BNC2: variants seen among roughly 807,000 people sequenced by gnomAD.
BNC2 encodes zinc finger protein basonuclin-2.
BNC2 carries 20 observed loss-of-function variants against 76.3 expected under a neutral mutation model. That is an observed-to-expected ratio of 0.26 (90% CI 0.18 to 0.38). The LOEUF (loss-of-function observed/expected upper bound fraction) is 0.38, where lower values mean the gene tolerates loss of function less well. Among genes scored for constraint, BNC2 ranks in the 10% least tolerant of loss-of-function variants. The pLI, the probability that BNC2 is intolerant of heterozygous loss-of-function variation, is 1.00. For missense variants in BNC2, 1,382 were observed against 1,399.8 expected (o/e 0.99, Z 0.20); for synonymous variants, 582 against 514.8 (o/e 1.13, Z -1.77).
At chr9:16,853,849 T>A (rs536196079) in intron 1 of BNC2, among the ~76,000 whole-genome samples, 1 of 152,130 alleles carries the variant, frequency 6.6e-6, no homozygotes, top group Non-Finnish European at 1.5e-5. Flanking sequence ...GCCTGAGCAA[T>A]AGAGGGAGAC....
chr9:16,689,165 A>C (rs1208490097), intron 3 of BNC2, among the ~76,000 whole-genome samples: 3 of 124,428 alleles, frequency 2.4e-5, no homozygotes, highest in African/African-American at 4.4e-5. Context: ...TGAGATCACA[A>C]AAAAAAAAAA....
At position 16,772,863 on chromosome 9, in the gene BNC2, G is replaced by A. The variant is rs141865090; in HGVS notation, c.4-34378C>T. Among the ~76,000 whole-genome samples the A allele has an allele frequency of 1.5e-4, 23 of 152,212 alleles. No homozygotes were observed. The East Asian group carries it at 4.2e-3, about 28-fold the overall frequency. The stretch of plus-strand genomic sequence containing the variant: ...TCTATGAAGACTGATTCTTTTTCTG[G>A]AGAAACATACAACAACACAAGGGAA... On this transcript the variant is annotated intron_variant, in intron 1 of 6. Coordinates refer to ENST00000380672, the MANE Select transcript of BNC2 (RefSeq NM_017637.6).
rs189397299 is a variant in BNC2, at chr9:16,766,801, T to C, written c.4-28316A>G. ...GAATTAAATGGTTTGGGAAGGTTACTTTGCTTTTCCTGAAGAGTCTAGTGT... is the reference window on the plus strand; with the variant it reads ...GAATTAAATGGTTTGGGAAGGTTACCTTGCTTTTCCTGAAGAGTCTAGTGT... On this transcript the variant is annotated intron_variant, in intron 1 of 6. Transcript: ENST00000380672. Among the ~76,000 whole-genome samples, 987 of 152,350 alleles carry C rather than the reference T, an allele frequency of 6.5e-3. 50 individuals are homozygous for C. The highest frequency in any genetic ancestry group is 0.06 in the Admixed American group (910 of 15,288).
intron 1 of BNC2, among the ~76,000 whole-genome samples, chr9:16,801,690 A>G (rs910045134): frequency 6.6e-6 from 1 of 151,248 alleles, no homozygotes; most frequent in African/African-American, 2.4e-5. Context: ...AGCCATGCCA[A>G]AAGAAGCTGA....
At chr9:16,509,824 A>G (rs1436067991) in intron 5 of BNC2, among the ~76,000 whole-genome samples, 1 of 152,210 alleles carries the variant, frequency 6.6e-6, no homozygotes, top group African/African-American at 2.4e-5. Context: ...AAATATGTAG[A>G]GGTTGTTTGT....
intron 5 of BNC2, among the ~76,000 whole-genome samples, chr9:16,541,212 A>G (rs1818310638): frequency 6.6e-6 from 1 of 152,208 alleles, no homozygotes; most frequent in African/African-American, 2.4e-5. Flanking sequence ...ACGGAAAGTC[A>G]CCAGAGAATC....
intron 3 of BNC2, among the ~76,000 whole-genome samples, chr9:16,643,305 C>CAAAAAAAAAAA (rs34196473): frequency 4.1e-5 from 5 of 121,582 alleles, no homozygotes; most frequent in African/African-American, 1.5e-4. Flanking sequence ...GACTCTGTCT[C>CAAAAAAAAAAA]AAAAAAAAAA....
At chr9:16,635,635 G>A (rs1404218356) in intron 3 of BNC2, among the ~76,000 whole-genome samples, 3 of 152,168 alleles carry the variant, frequency 2.0e-5, no homozygotes, top group Non-Finnish European at 4.4e-5. Context: ...GATATAATTA[G>A]AAGTCATATT....
rs572059037 is a variant in BNC2, at chr9:16,597,807, T to C, written c.331-14722A>G. On this transcript the variant is annotated intron_variant, in intron 3 of 6. Coordinates refer to ENST00000380672, the MANE Select transcript of BNC2 (RefSeq NM_017637.6). ...ACAAAGCTAGTTGTGATTTAAAATATAAATTTATCTATTTTAAATATAATT... is the reference window on the plus strand; with the variant it reads ...ACAAAGCTAGTTGTGATTTAAAATACAAATTTATCTATTTTAAATATAATT... Among the ~76,000 whole-genome samples the C allele has an allele frequency of 1.2e-3, 185 of 152,166 alleles. 5 individuals carry two copies. The Middle Eastern group carries it at 0.027, about 22-fold the overall frequency.
At chr9:16,814,676 C>T (rs1042037858) in intron 1 of BNC2, among the ~76,000 whole-genome samples, 1 of 152,138 alleles carries the variant, frequency 6.6e-6, no homozygotes, top group Non-Finnish European at 1.5e-5. Flanking sequence ...CAGCTAGATA[C>T]TGTTCAAACA....
chr9:16,684,471 T>C (rs985907132), intron 3 of BNC2, among the ~76,000 whole-genome samples: 2 of 152,160 alleles, frequency 1.3e-5, no homozygotes, highest in East Asian at 1.9e-4. Context: ...AGAGATGGCA[T>C]ACCCTTCGGT....
chr9:16,473,816 T>C (rs1821873610), intron 5 of BNC2, among the ~76,000 whole-genome samples: 1 of 152,152 alleles, frequency 6.6e-6, no homozygotes, highest in Admixed American at 6.5e-5. Context: ...GAGGTTGCAG[T>C]GAGCCGAGAT....
chr9:16,497,073 C>G lies in BNC2; in HGVS notation c.669+55457G>C, dbSNP rs372849556. 5.3e-4 allele frequency among the ~76,000 whole-genome samples: 80 copies of G among 152,300 alleles called. 3 individuals are homozygous for G. In the South Asian group the frequency reaches 0.016, roughly 31 times the overall value. The stretch of plus-strand genomic sequence containing the variant: ...ATATGTTCTGCAGAGTCAGGCATTG[C>G]CTGGCAGGAAGGGGAAGGGCTCAGA... On this transcript the variant is annotated intron_variant, in intron 5 of 6. Coordinates refer to ENST00000380672, the MANE Select transcript of BNC2 (RefSeq NM_017637.6).
At chr9:16,495,511 A>C (rs1822369503) in intron 5 of BNC2, among the ~76,000 whole-genome samples, 1 of 152,150 alleles carries the variant, frequency 6.6e-6, no homozygotes, top group Non-Finnish European at 1.5e-5. Context: ...TTCTGGCTAG[A>C]GATTTGGGTC....
intron 1 of BNC2, among the ~76,000 whole-genome samples, chr9:16,782,811 C>G (rs73646252): frequency 7.9e-5 from 12 of 152,178 alleles, no homozygotes; most frequent in Non-Finnish European, 1.5e-5. Flanking sequence ...CTACTATATC[C>G]ACTATCATTC....
chr9:16,699,829 T>C (rs1823454460), intron 3 of BNC2, among the ~76,000 whole-genome samples: 1 of 152,224 alleles, frequency 6.6e-6, no homozygotes, highest in South Asian at 2.1e-4. Context: ...CTTCTCACTA[T>C]ATTCATGAAA....
At chr9:16,589,667 C>A (rs534182675) in intron 3 of BNC2, among the ~76,000 whole-genome samples, 1 of 152,008 alleles carries the variant, frequency 6.6e-6, no homozygotes, top group South Asian at 2.1e-4. Flanking sequence ...CACCACCACA[C>A]CGGGCTAATT....
chr9:16,847,011 G>C (rs1304297011), intron 1 of BNC2, among the ~76,000 whole-genome samples: 1 of 152,134 alleles, frequency 6.6e-6, no homozygotes, highest in Non-Finnish European at 1.5e-5. Context: ...AAAACACAAA[G>C]TAGATAATAT....
At chr9:16,475,520 C>T (rs1821909802) in intron 5 of BNC2, among the ~76,000 whole-genome samples, 2 of 152,212 alleles carry the variant, frequency 1.3e-5, no homozygotes, top group South Asian at 4.1e-4. Context: ...ATTTGATCCA[C>T]AATTTTAATT....
Sources: allele counts gnomAD v4.1 joint callset (sites outside exome capture counted in the v4.1 genomes callset), GRCh38; gene constraint gnomAD v4.1.1; transcripts MANE v1.5; gene names NCBI Gene and HGNC (gene_info 2026-07-23, HGNC 2026-07-21).